EFCC1: variants seen among roughly 807,000 people sequenced by gnomAD.
EFCC1 encodes EF-hand and coiled-coil domain-containing protein 1.
Under a neutral mutation model 52.1 loss-of-function variants are expected in EFCC1, and 50 were observed. The observed-to-expected ratio is 0.96, with a 90% CI of 0.76 to 1.21. The LOEUF is 1.21. Ranked by LOEUF, EFCC1 falls within the 50% of genes most tolerant of loss-of-function variation. The pLI is 0.00. For synonymous variants in EFCC1, 399 were observed against 396.5 expected (o/e 1.01, Z -0.08); for missense variants, 837 against 867.3 (o/e 0.97, Z 0.44).
At chr3:129,011,330 C>A (rs937617561) in intron 2 of EFCC1, among the ~76,000 whole-genome samples, 3 of 152,158 alleles carry the variant, frequency 2.0e-5, no homozygotes, top group Non-Finnish European at 4.4e-5. Flanking sequence ...GTGGGTGGAT[C>A]ACCTGAGGTC....
chr3:129,022,944 G>A (rs1208783719), intron 2 of EFCC1, among the ~76,000 whole-genome samples: 1 of 152,238 alleles, frequency 6.6e-6, no homozygotes, highest in Non-Finnish European at 1.5e-5. Context: ...GAGCTGAGAA[G>A]TCTCCAACTT....
chr3:129,011,752 C>G (rs1945339878), intron 2 of EFCC1, among the ~76,000 whole-genome samples: 3 of 151,972 alleles, frequency 2.0e-5, no homozygotes. Context: ...ATGCCCCCAG[C>G]TGCACTTCTC....
chr3:129,003,596 C>T (rs1944906037), intron 1 of EFCC1, among the ~76,000 whole-genome samples, 198 bp from the exon 2 acceptor site: 1 of 152,160 alleles, frequency 6.6e-6, no homozygotes, highest in Non-Finnish European at 1.5e-5. Flanking sequence ...GAGCTTGGGC[C>T]TCCCTGGGGA....
intron 2 of EFCC1, among the ~76,000 whole-genome samples, chr3:129,006,889 T>C: frequency 6.6e-6 from 1 of 151,674 alleles, no homozygotes; most frequent in Admixed American, 6.6e-5. Context: ...AAGCTCTCAC[T>C]CTGAAAAGAA....
At chr3:129,011,707 G>A (rs1432884954) in intron 2 of EFCC1, among the ~76,000 whole-genome samples, 1 of 152,056 alleles carries the variant, frequency 6.6e-6, no homozygotes, top group African/African-American at 2.4e-5. Context: ...GCTGATCAGT[G>A]GTGTCCCCAG....
intron 6 of EFCC1, 82 bp from the exon 7 acceptor site, chr3:129,038,749 C>G: frequency 7.1e-7 from 1 of 1,414,046 alleles, no homozygotes. Context: ...GCCTAGAAGC[C>G]CGTAGGGGCC....
intron 3 of EFCC1, 46 bp from the exon 4 acceptor site, chr3:129,032,773 G>A (rs566388909): frequency 9.8e-6 from 15 of 1,536,536 alleles, no homozygotes; most frequent in African/African-American, 6.9e-5. Context: ...GGGATGCCTG[G>A]TTCCCCACCC....
At position 129,032,932 on chromosome 3, in the gene EFCC1, A is replaced by G; in HGVS notation, c.1252A>G (p.Thr418Ala). ...GAAGACGCCGGCAGCCGAGGCCAAGACACTGCTGGCCCGGCTCTCCAGCTG... is the reference window on the plus strand; with the variant it reads ...GAAGACGCCGGCAGCCGAGGCCAAGGCACTGCTGGCCCGGCTCTCCAGCTG... Reference protein sequence around the residue: ...EKKTPAAEAKTLLARLSSCRG... With the variant: ...EKKTPAAEAKALLARLSSCRG... The change falls in exon 4 of 8, where the codon ACA becomes GCA. Residue 418 changes from threonine (T) to alanine (A), a missense_variant. Transcript: ENST00000683648. The G allele has an allele frequency of 6.5e-7, 1 of 1,549,928 alleles. No individual in the cohort carries two copies. Among genetic ancestry groups the G allele is most frequent in the Non-Finnish European group, 8.7e-7 (1 of 1,146,248 alleles).
At chr3:129,003,717 C>T (rs988498588) in intron 1 of EFCC1, 77 bp from the exon 2 acceptor site, 2 of 1,248,388 alleles carry the variant, frequency 1.6e-6, no homozygotes, top group South Asian at 2.0e-5. Flanking sequence ...GGCATGGGGC[C>T]GCCGTCGTGG....
chr3:129,004,219 T>G (rs1944956893), intron 2 of EFCC1, 142 bp downstream of exon 2: 3 of 1,118,328 alleles, frequency 2.7e-6, no homozygotes, highest in Non-Finnish European at 3.5e-6. Context: ...TTTCATTCCT[T>G]TGTCAGTTCT....
chr3:129,019,453 T>C (rs112078549), intron 2 of EFCC1, among the ~76,000 whole-genome samples: 7 of 152,294 alleles, frequency 4.6e-5, no homozygotes, highest in African/African-American at 1.7e-4. Context: ...AATAATTCCT[T>C]TGAGGATGTG....
Position 129,002,153 on chromosome 3 carries a change from C to A in EFCC1, c.525C>A (p.Arg175=). 1 of 1,470,624 alleles carries A rather than the reference C, an allele frequency of 6.8e-7. No individual in the cohort carries two copies. The highest frequency in any genetic ancestry group is 8.9e-7 in the Non-Finnish European group (1 of 1,121,488). The allele number at this position is 1,470,624 out of a possible 1,614,324, so 91.1% of individuals were successfully genotyped here. ...ALSEHIETQI[R]LRRPRRRRRP... ...GCGAGCACATCGAGACGCAGATCCG[C>A]CTGCGCCGTCCGCGCCGCCGCCGCC... The change falls in exon 1 of 8, where the codon CGC becomes CGA. Residue 175 remains arginine (R), a synonymous_variant. Coordinates refer to ENST00000683648, the MANE Select transcript of EFCC1 (RefSeq NM_001377500.1).
At chr3:129,023,503 T>G (rs1422084180) in intron 2 of EFCC1, among the ~76,000 whole-genome samples, 3 of 152,064 alleles carry the variant, frequency 2.0e-5, no homozygotes, top group African/African-American at 7.2e-5. Context: ...TAATTTTGGT[T>G]TTGTATTTTT....
At chr3:129,005,348 C>T (rs1172367120) in intron 2 of EFCC1, among the ~76,000 whole-genome samples, 1 of 152,216 alleles carries the variant, frequency 6.6e-6, no homozygotes, top group Non-Finnish European at 1.5e-5. Flanking sequence ...AAAATTGGAA[C>T]AGTACGGGCA....
At position 129,033,046 on chromosome 3, in the gene EFCC1, CTGG is replaced by C. The variant is rs1946303190; in HGVS notation, c.1286+82_1286+84del. 4 of 1,425,646 alleles carry C rather than the reference CTGG, an allele frequency of 2.8e-6. No homozygotes were observed. The Admixed American group carries it at 8.5e-5, about 30-fold the overall frequency. The allele number at this position is 1,425,646 out of a possible 1,614,324, so 88.3% of individuals were successfully genotyped here. On this transcript the variant is annotated intron_variant, in intron 4 of 7. Coordinates refer to ENST00000683648, the MANE Select transcript of EFCC1 (RefSeq NM_001377500.1). ...GGGGAAGCCAGGAGCACCTGGGAGG[CTGG>C]TTAGCCTGGCTCAGCCACCTCCCAG...
chr3:129,015,048 C>T (rs979016564), intron 2 of EFCC1, among the ~76,000 whole-genome samples: 3 of 152,202 alleles, frequency 2.0e-5, no homozygotes, highest in Non-Finnish European at 2.9e-5. Flanking sequence ...ATCAGAACCA[C>T]GGACCACACA....
At chr3:129,027,588 G>A (rs769976775) in intron 2 of EFCC1, among the ~76,000 whole-genome samples, 7 of 152,176 alleles carry the variant, frequency 4.6e-5, no homozygotes, top group Non-Finnish European at 4.4e-5. Context: ...GGCACCTCCC[G>A]AGCAGGGGTC....
chr3:129,021,828 C>G (rs141283069), intron 2 of EFCC1, among the ~76,000 whole-genome samples: 23 of 152,264 alleles, frequency 1.5e-4, no homozygotes, highest in African/African-American at 5.5e-4. Context: ...AAATGTATAT[C>G]ATAAAACTCC....
chr3:129,026,145 C>T (rs773742997), intron 2 of EFCC1, among the ~76,000 whole-genome samples: 1 of 152,252 alleles, frequency 6.6e-6, no homozygotes, highest in Non-Finnish European at 1.5e-5. Flanking sequence ...TCAGAACATT[C>T]TGAAGGGTTT....
Sources: allele counts gnomAD v4.1 joint callset (sites outside exome capture counted in the v4.1 genomes callset), GRCh38; gene constraint gnomAD v4.1.1; transcripts MANE v1.5; gene names NCBI Gene and HGNC (gene_info 2026-07-23, HGNC 2026-07-21).